KLHL10: variants seen among roughly 807,000 people sequenced by gnomAD.
The protein encoded by KLHL10 is kelch like family member 10.
Under a neutral mutation model 46.6 loss-of-function variants are expected in KLHL10, and 11 were observed. The ratio of observed to expected loss-of-function variants is 0.24; its 90% CI spans 0.15 to 0.39. The LOEUF is 0.39. Ranked by LOEUF, KLHL10 falls within the 10% of genes least tolerant of loss-of-function variation. KLHL10 has a pLI of 1.00. For synonymous variants in KLHL10, 254 were observed against 279.1 expected (o/e 0.91, Z 0.90); for missense variants, 475 against 789.8 (o/e 0.60, Z 4.78).
rs964650967 is a variant in KLHL10 at position 41,842,482 on chromosome 17, C to T, written c.684+170C>T. Among the ~76,000 whole-genome samples the T allele has an allele frequency of 2.8e-4, 43 of 152,162 alleles. 1 individual carries two copies. The highest frequency in any genetic ancestry group is 2.8e-4 in the Non-Finnish European group (19 of 67,994). ...CCTTGGCATTACTAGTTCTTTTTAC[C>T]TAAGTTATATTCTTTGACCAAAATC... is the stretch of plus-strand genomic sequence containing the variant. On this transcript the variant is annotated intron_variant, in intron 2 of 4. Coordinates refer to ENST00000293303, the MANE Select transcript of KLHL10 (RefSeq NM_152467.5).
chr17:41,835,798 T>G, upstream of KLHL10: 1 of 1,467,034 alleles, frequency 6.8e-7, no homozygotes, highest in Non-Finnish European at 9.3e-7. Flanking sequence ...GAAGGCCCAA[T>G]GGGCAGGAAG....
intron 3 of KLHL10, among the ~76,000 whole-genome samples, chr17:41,846,852 T>C (rs566359585): frequency 6.6e-6 from 1 of 152,258 alleles, no homozygotes; most frequent in South Asian, 2.1e-4. Flanking sequence ...CAGTGTATCA[T>C]GCCTGTAATC....
In KLHL10 at chr17:41,845,211, C is replaced by T. The variant is rs1555621171; in HGVS notation, c.770C>T (p.Pro257Leu). ...DYVKDSEECK[P>L]VIINALKAMY... ...GTCAAAGACAGTGAGGAATGCAAAC[C>T]AGTCATCATTAATGCCCTAAAGGCC... The change falls in exon 3 of 5, where the codon CCA becomes CTA. Residue 257 changes from proline to leucine, a missense_variant. Pro to Leu is a moderately conservative substitution (Grantham distance 98). Transcript: ENST00000293303. The T allele has an allele frequency of 1.9e-6, 3 of 1,614,196 alleles. No homozygotes were observed.
intron 1 of KLHL10, 76 bp downstream of exon 1, chr17:41,838,202 C>G (rs2048188694): frequency 8.1e-7 from 1 of 1,236,426 alleles, no homozygotes; most frequent in South Asian, 1.2e-5. Flanking sequence ...TTTTCTGTTT[C>G]CCACCCCATC....
At position 41,844,597 on chromosome 17, in the gene KLHL10, G is replaced by A. The variant is rs113850156; in HGVS notation, c.685-529G>A. On this transcript the variant is annotated intron_variant, in intron 2 of 4. Transcript: ENST00000293303. ...GGAGTCTTGCTCTGTGGCCCAGGCT[G>A]GAGTGCAGTAGGGTGATCTCGGCTC... Among the ~76,000 whole-genome samples the A allele has an allele frequency of 1.5e-3, 211 of 142,818 alleles. 2 individuals are homozygous for A. Among genetic ancestry groups the A allele is most frequent in the African/African-American group, 5.4e-3 (204 of 37,574 alleles). The allele number at this position is 142,818 out of a possible 152,430, so 93.7% of individuals were successfully genotyped here. A position where few individuals can be genotyped will look rare whatever the true frequency, so the allele number is the denominator to read the frequency against.
At chr17:41,846,742 G>C (rs1555621464) in intron 3 of KLHL10, among the ~76,000 whole-genome samples, 3 of 151,900 alleles carry the variant, frequency 2.0e-5, no homozygotes, top group African/African-American at 7.3e-5. Flanking sequence ...AGCTACTCAG[G>C]AGGTGGAGGT....
At chr17:41,841,140 CAA>C (rs56205509) in intron 1 of KLHL10, among the ~76,000 whole-genome samples, 2 of 131,974 alleles carry the variant, frequency 1.5e-5, no homozygotes. Flanking sequence ...ACCCTGTTTC[CAA>C]AAAAAAAAAG....
intron 2 of KLHL10, among the ~76,000 whole-genome samples, chr17:41,843,528 AT>A (rs1211750184): frequency 2.9e-4 from 44 of 151,382 alleles, no homozygotes; most frequent in Admixed American, 6.6e-4. Context: ...AAAAAAAAAA[AT>A]CTTAAGTATT....
intron 3 of KLHL10, among the ~76,000 whole-genome samples, chr17:41,846,674 CG>C (rs1402232484): frequency 6.6e-6 from 1 of 151,828 alleles, no homozygotes. Flanking sequence ...TGGTGAAACC[CG>C]GTCTCTACTA....
chr17:41,847,846 T>A (rs577210476), intron 4 of KLHL10, 87 bp from the exon 5 acceptor site: 2 of 1,538,176 alleles, frequency 1.3e-6, no homozygotes, highest in Non-Finnish European at 1.8e-6. Flanking sequence ...GAGGGAGTTA[T>A]GAGATCACTG....
At position 41,845,343 on chromosome 17, in the gene KLHL10, G is replaced by T; in HGVS notation, c.902G>T (p.Gly301Val). ...AILFAIGGWS[G>V]GSPTNAIEAY... is the part of the protein sequence containing the mutation. ...CTCTTTGCAATTGGTGGCTGGAGTG[G>T]TGGGAGCCCCACCAATGCCATTGAG... The change falls in exon 3 of 5, where the codon GGT becomes GTT. Residue 301 changes from glycine (G) to valine (V), a missense_variant. Physicochemically the swap from Gly to Val is moderately radical, Grantham distance 109 (BLOSUM62 -3). Transcript: ENST00000293303. 6.2e-7 allele frequency: 1 copy of T among 1,614,202 alleles called. No homozygotes were observed. The highest frequency in any genetic ancestry group is 8.5e-7 in the Non-Finnish European group (1 of 1,180,022).
intron 4 of KLHL10, 123 bp from the exon 5 acceptor site, chr17:41,847,808 AAG>A (rs1262356087): frequency 7.3e-7 from 1 of 1,377,640 alleles, no homozygotes; most frequent in African/African-American, 1.4e-5. Flanking sequence ...CCCGGCTGAA[AAG>A]CTTTTTTTCA....
intron 2 of KLHL10, 26 bp downstream of exon 2, chr17:41,842,338 A>G: frequency 6.2e-7 from 1 of 1,613,186 alleles, no homozygotes; most frequent in Non-Finnish European, 8.5e-7. Context: ...TGATTCATTT[A>G]TCACAGAGAG....
rs2048231440 is a variant in KLHL10, at chr17:41,841,958, G to A, written c.330G>A (p.Glu110=). ...TGCCTATCACACCGGACAATGTGGA[G>A]AAACTGCTTGCTGCTGCAGACCAGT... ...RTVPITPDNV[E]KLLAAADQFN... Residue 110 remains glutamate, a synonymous_variant, in exon 2 of 5, where the codon GAG becomes GAA. Coordinates refer to ENST00000293303, the MANE Select transcript of KLHL10 (RefSeq NM_152467.5). The A allele has an allele frequency of 1.2e-6, 2 of 1,614,192 alleles. No homozygotes were observed. The highest frequency in any genetic ancestry group is 1.7e-6 in the Non-Finnish European group (2 of 1,180,034).
intron 2 of KLHL10, among the ~76,000 whole-genome samples, chr17:41,844,542 A>ATT (rs369578859): frequency 0.05 from 5,778 of 114,514 alleles, 292 homozygotes; most frequent in Non-Finnish European, 0.074. Flanking sequence ...TGGTTTTTGT[A>ATT]TTTTTTTTTT....
chr17:41,847,952 C>T lies in KLHL10; in HGVS notation c.1472C>T (p.Ala491Val). ...HVYAVGGFDG[A>V]NRLRSAEAYS... ...CCACAGGTAGGTGGCTTTGATGGAG[C>T]TAATCGACTTAGGAGTGCCGAAGCC... Residue 491 changes from alanine to valine, a missense_variant, in exon 5 of 5, where the codon GCT becomes GTT. Physicochemically the swap from Ala to Val is moderately conservative, Grantham distance 64. Coordinates refer to ENST00000293303, the MANE Select transcript of KLHL10 (RefSeq NM_152467.5). 6.2e-7 allele frequency: 1 copy of T among 1,614,154 alleles called. No homozygotes were observed. Among genetic ancestry groups the T allele is most frequent in the Non-Finnish European group, 8.5e-7 (1 of 1,180,040 alleles).
chr17:41,839,209 CTCG>C (rs1452854582), intron 1 of KLHL10, among the ~76,000 whole-genome samples: 3 of 152,168 alleles, frequency 2.0e-5, no homozygotes, highest in Non-Finnish European at 4.4e-5. Context: ...TCAGTCTGGT[CTCG>C]AACACCTGAC....
intron 4 of KLHL10, 63 bp from the exon 5 acceptor site, chr17:41,847,870 G>A: frequency 1.2e-6 from 2 of 1,604,532 alleles, no homozygotes; most frequent in Non-Finnish European, 1.7e-6. Context: ...CCCCCAACAA[G>A]GGCTTCCTCA....
chr17:41,843,519 A>C (rs76618406), intron 2 of KLHL10, among the ~76,000 whole-genome samples: 21,717 of 151,698 alleles, frequency 0.14, 1,717 homozygotes, highest in East Asian at 0.18. Flanking sequence ...AACAAAAAAA[A>C]AAAAAAAAAT....
Sources: gnomAD v4.1 joint callset for allele counts (sites outside exome capture counted in the v4.1 genomes callset) on GRCh38, gnomAD v4.1.1 for gene constraint, MANE v1.5 for transcripts, NCBI Gene and HGNC (gene_info 2026-07-23, HGNC 2026-07-21) for gene names.